PIR: variants seen among roughly 807,000 people sequenced by gnomAD.
PIR encodes pirin, also known as pirin (iron-binding nuclear protein).
PIR carries 22 observed loss-of-function variants against 24.2 expected under a neutral mutation model. That is an observed-to-expected ratio of 0.91 (90% CI 0.65 to 1.30). The LOEUF (loss-of-function observed/expected upper bound fraction) is 1.30. PIR is among the 50% of genes most tolerant of loss of function. The pLI is 0.00. For synonymous variants in PIR, 80 were observed against 79.6 expected (o/e 1.00, Z -0.03); for missense variants, 220 against 220.3 (o/e 1.00, Z 0.01).
chrX:15,444,466 T>A (rs1926021623), intron 5 of PIR, among the ~76,000 whole-genome samples: 1 of 112,068 alleles, frequency 8.9e-6, no homozygotes, highest in Non-Finnish European at 1.9e-5. Context: ...ATTGCAATAT[T>A]CCCTTTATTA....
At chrX:15,436,341 T>C (rs1223592647) in intron 5 of PIR, among the ~76,000 whole-genome samples, 1 of 111,906 alleles carries the variant, frequency 8.9e-6, no homozygotes, top group Non-Finnish European at 1.9e-5. Context: ...GGGAAGAGAA[T>C]AAAGATGATG....
chrX:15,484,053 T>C (rs2046611060), intron 2 of PIR, among the ~76,000 whole-genome samples: 1 of 112,184 alleles, frequency 8.9e-6, no homozygotes, highest in South Asian at 3.7e-4. Flanking sequence ...TCTCTCTTTT[T>C]AGTCCTACCC....
chrX:15,422,335 A>G (rs1215912667), intron 6 of PIR, among the ~76,000 whole-genome samples: 1 of 109,631 alleles, frequency 9.1e-6, no homozygotes, highest in East Asian at 2.8e-4. Context: ...GGCAAGAGAA[A>G]AAAAAAAAAC....
chrX:15,448,709 C>T (rs1926187208), intron 5 of PIR, among the ~76,000 whole-genome samples: 1 of 111,811 alleles, frequency 8.9e-6, no homozygotes, highest in African/African-American at 3.3e-5. Flanking sequence ...CATCAGGATG[C>T]CTAAATAGTT....
At chrX:15,448,762 G>C (rs761870894) in intron 5 of PIR, among the ~76,000 whole-genome samples, 221 of 111,878 alleles carry the variant, frequency 2.0e-3, no homozygotes, top group Admixed American at 5.1e-3. Flanking sequence ...GCCATTACAA[G>C]ACGTGATCCC....
chrX:15,390,495 G>A (rs1324320208), intron 8 of PIR, among the ~76,000 whole-genome samples: 1 of 111,535 alleles, frequency 9.0e-6, no homozygotes, highest in African/African-American at 3.3e-5. Context: ...AATTTAAGAA[G>A]GAGAACTTAA....
intron 6 of PIR, among the ~76,000 whole-genome samples, chrX:15,423,258 A>C (rs1373735033): frequency 8.9e-6 from 1 of 112,292 alleles, no homozygotes; most frequent in Non-Finnish European, 1.9e-5. Flanking sequence ...ACAAGCAACC[A>C]AAGCAAAAAT....
At chrX:15,482,030 T>C (rs1922532330) in intron 2 of PIR, among the ~76,000 whole-genome samples, 1 of 111,518 alleles carries the variant, frequency 9.0e-6, no homozygotes, top group African/African-American at 3.3e-5. Flanking sequence ...ACACATCCCA[T>C]TGGTCAAAGC....
intron 2 of PIR, among the ~76,000 whole-genome samples, chrX:15,490,644 G>A (rs1047635937): frequency 9.1e-6 from 1 of 110,082 alleles, no homozygotes; most frequent in Admixed American, 9.6e-5. Flanking sequence ...CCATCTACAC[G>A]TGTCCCTCAC....
intron 5 of PIR, among the ~76,000 whole-genome samples, chrX:15,436,143 A>G (rs1186866469): frequency 1.8e-5 from 2 of 112,600 alleles, no homozygotes; most frequent in Admixed American, 9.4e-5. Flanking sequence ...TTTAACTTCT[A>G]TCAACCATAA....
At chrX:15,400,689 A>G (rs1326062097) in intron 7 of PIR, among the ~76,000 whole-genome samples, 4 of 110,429 alleles carry the variant, frequency 3.6e-5, no homozygotes, top group Admixed American at 9.7e-5. Flanking sequence ...CTCAGTGTTG[A>G]TACTAAAGAG....
At chrX:15,454,092 G>A (rs1569205975) in intron 5 of PIR, among the ~76,000 whole-genome samples, 1 of 111,529 alleles carries the variant, frequency 9.0e-6, no homozygotes, top group Non-Finnish European at 1.9e-5. Flanking sequence ...GAGATGGAGT[G>A]AGCAGCTTCA....
Position 15,488,273 on chromosome X carries a change from C to T in PIR, c.96+2889G>A, listed in dbSNP as rs1476200770. Reference sequence around the variant, plus strand: ...AGCCTGGGCAACAAGAGCGAAACTCCGTCTCAAAAAAAAAAAAAAAAAAAA... The same window carrying T: ...AGCCTGGGCAACAAGAGCGAAACTCTGTCTCAAAAAAAAAAAAAAAAAAAA... On this transcript the variant is annotated intron_variant, in intron 2 of 9. Transcript: ENST00000380420. Among the ~76,000 whole-genome samples, 20 of 72,825 alleles carry T rather than the reference C, an allele frequency of 2.7e-4. No homozygotes were observed. In the East Asian group the frequency reaches 5.6e-3, roughly 21 times the overall value. 63.2% of individuals were successfully genotyped at this position (72,825 alleles called of 115,157 possible).
chrX:15,385,067 A>G lies in PIR; in HGVS notation c.810T>C (p.Asp270=). The G allele has an allele frequency of 3.3e-6, 4 of 1,195,499 alleles. No individual in the cohort carries two copies. Among genetic ancestry groups the G allele is most frequent in the Non-Finnish European group, 4.5e-6 (4 of 881,259 alleles). The change falls in exon 10 of 10, where the codon GAT becomes GAC. Residue 270 remains aspartate, a synonymous_variant. Coordinates refer to ENST00000380420, the MANE Select transcript of PIR (RefSeq NM_001018109.3). The stretch of plus-strand genomic sequence containing the variant: ...CAAACCCATTTTTTGCGTTTCTGAA[A>G]TCAAGAATAGCTTGAGAAATCTCTT... The part of the protein sequence containing the change: ...TNEEISQAIL[D]FRNAKNGFER...
intron 5 of PIR, among the ~76,000 whole-genome samples, chrX:15,451,007 C>G (rs6632657): frequency 0.24 from 26,948 of 110,124 alleles, 2,678 homozygotes; most frequent in East Asian, 0.5. Context: ...ACTCCATCAG[C>G]TCTCCAAATC....
chrX:15,451,299 A>C (rs1920963789), intron 5 of PIR, among the ~76,000 whole-genome samples: 1 of 110,671 alleles, frequency 9.0e-6, no homozygotes, highest in Non-Finnish European at 1.9e-5. Flanking sequence ...TGGACTTCCA[A>C]GGGGAACCAC....
intron 3 of PIR, among the ~76,000 whole-genome samples, chrX:15,462,344 T>G (rs1040465850): frequency 8.9e-6 from 1 of 112,279 alleles, no homozygotes; most frequent in Non-Finnish European, 1.9e-5. Context: ...TTTTGTGTAA[T>G]CTATTTGGAT....
rs768023101 is a variant in PIR at position 15,485,390 on chromosome X, T to C, written c.97-5569A>G. 3.6e-5 allele frequency among the ~76,000 whole-genome samples: 4 copies of C among 111,602 alleles called. No homozygotes were observed. The South Asian group carries it at 1.5e-3, about 43-fold the overall frequency. ...TTTGTAAGGGCATTAATCCCATTCC[T>C]GAGGGTTCTGCCCTCATGACCTAAT... On this transcript the variant is annotated intron_variant, in intron 2 of 9. Transcript: ENST00000380420.
chrX:15,457,494 G>A (rs1056678398), intron 4 of PIR, among the ~76,000 whole-genome samples: 5 of 111,686 alleles, frequency 4.5e-5, no homozygotes, highest in African/African-American at 9.8e-5. Context: ...CTTGTGCTTC[G>A]AAGAATGACA....
Sources: allele counts gnomAD v4.1 joint callset (sites outside exome capture counted in the v4.1 genomes callset), GRCh38; gene constraint gnomAD v4.1.1; transcripts MANE v1.5; gene names NCBI Gene and HGNC (gene_info 2026-07-23, HGNC 2026-07-21).